Variants in TNRC6A observed in about 807,000 individuals in gnomAD.
TNRC6A encodes the protein trinucleotide repeat-containing gene 6A protein.
TNRC6A carries 44 observed loss-of-function variants against 221.2 expected under a neutral mutation model. The observed-to-expected ratio is 0.20, with a 90% CI of 0.16 to 0.26. The LOEUF (loss-of-function observed/expected upper bound fraction) is 0.26. TNRC6A is among the 10% of genes least tolerant of loss of function. The pLI, the probability that TNRC6A is intolerant of heterozygous loss-of-function variation, is 1.00. For synonymous variants in TNRC6A, 847 were observed against 838.5 expected (o/e 1.01, Z -0.18); for missense variants, 2,199 against 2,404.4 (o/e 0.91, Z 1.79).
chr16:24,708,845 C>T (rs2142286398), intron 2 of TNRC6A, among the ~76,000 whole-genome samples: 1 of 152,260 alleles, frequency 6.6e-6, no homozygotes, highest in South Asian at 2.1e-4. Context: ...CTCTTCGTGG[C>T]TCAGTAGTAT....
intron 2 of TNRC6A, among the ~76,000 whole-genome samples, chr16:24,698,184 A>G (rs1423727453): frequency 6.6e-6 from 1 of 152,068 alleles, no homozygotes; most frequent in South Asian, 2.1e-4. Context: ...TAAAAAGAAA[A>G]CAAAAAATGC....
chr16:24,823,304 TG>T lies in TNRC6A; in HGVS notation c.5514-126del. ...GTGAAGGGAGGGCACGCAGGTTATG[TG>T]GTGTAGTCTCTCCCTCTGTGCCTTC... On this transcript the variant is annotated intron_variant, in intron 24 of 24. Transcript: ENST00000395799. The surrounding 1 kb of genome is among the most constrained non-coding windows in gnomAD (Gnocchi z 4.3). The T allele has an allele frequency of 8.5e-7, 1 of 1,183,306 alleles. No homozygotes were observed. Among genetic ancestry groups the T allele is most frequent in the Non-Finnish European group, 1.2e-6 (1 of 846,318 alleles). The allele number at this position is 1,183,306 out of a possible 1,614,324, so 73.3% of individuals were successfully genotyped here. A position where few individuals can be genotyped will look rare whatever the true frequency, so the allele number is the denominator to read the frequency against.
intron 4 of TNRC6A, among the ~76,000 whole-genome samples, chr16:24,773,806 A>G (rs115909169): frequency 1.0e-3 from 154 of 150,092 alleles, no homozygotes; most frequent in African/African-American, 3.6e-3. Context: ...TCTGATATCA[A>G]TATTGTTTTC....
chr16:24,674,410 A>C (rs948768241), intron 2 of TNRC6A, among the ~76,000 whole-genome samples: 1 of 152,036 alleles, frequency 6.6e-6, no homozygotes, highest in Non-Finnish European at 1.5e-5. Flanking sequence ...GTCTCAAACT[A>C]TATATAGATA....
At chr16:24,796,657 C>T (rs1001999800) in intron 9 of TNRC6A, among the ~76,000 whole-genome samples, 2 of 152,180 alleles carry the variant, frequency 1.3e-5, no homozygotes, top group Non-Finnish European at 2.9e-5. Context: ...TAGATGCTTG[C>T]TTCAGAGACC....
intron 1 of TNRC6A, among the ~76,000 whole-genome samples, chr16:24,629,106 T>C (rs1438542949): frequency 1.3e-5 from 2 of 152,202 alleles, no homozygotes; most frequent in East Asian, 1.9e-4. Context: ...ATTATACTTA[T>C]AAATCTAGTA....
intron 3 of TNRC6A, among the ~76,000 whole-genome samples, chr16:24,753,193 C>A (rs1809060573): frequency 6.6e-6 from 1 of 152,180 alleles, no homozygotes; most frequent in African/African-American, 2.4e-5. Context: ...TCTGAAGTGA[C>A]AGCTTTTCAT....
intron 3 of TNRC6A, among the ~76,000 whole-genome samples, chr16:24,754,774 G>A (rs758607341): frequency 3.3e-5 from 5 of 152,150 alleles, no homozygotes; most frequent in Non-Finnish European, 7.4e-5. Context: ...GCATATAATC[G>A]TTGAAGGCCG....
chr16:24,662,495 A>C (rs1278471154), intron 2 of TNRC6A: 1 of 150,184 alleles, frequency 6.7e-6, no homozygotes, highest in Non-Finnish European at 1.5e-5. Context: ...GAAAAAAACA[A>C]AAAAAAAAGG....
At chr16:24,636,334 T>C (rs1197930167) in intron 1 of TNRC6A, among the ~76,000 whole-genome samples, 1 of 152,050 alleles carries the variant, frequency 6.6e-6, no homozygotes. Context: ...ATTGTAATGT[T>C]AGATTTGTGA....
intron 2 of TNRC6A, among the ~76,000 whole-genome samples, chr16:24,688,942 C>T (rs2055695640): frequency 2.0e-5 from 3 of 152,168 alleles, no homozygotes; most frequent in Admixed American, 2.0e-4. Context: ...TGGCTCATGC[C>T]TGTAACCCAG....
chr16:24,781,116 A>G (rs902323678), intron 5 of TNRC6A, among the ~76,000 whole-genome samples: 23 of 124,168 alleles, frequency 1.9e-4, no homozygotes, highest in Non-Finnish European at 9.4e-5. Context: ...GTGCAGTGGC[A>G]TGAACACGGC....
chr16:24,805,789 C>A, intron 15 of TNRC6A, 56 bp downstream of exon 15: 2 of 1,608,026 alleles, frequency 1.2e-6, no homozygotes. Flanking sequence ...TACTGTATGC[C>A]AAACACTAGA....
At chr16:24,640,965 G>T (rs1343055460) in exon 2 of TNRC6A, 1 of 152,182 alleles carries the variant, frequency 6.6e-6, no homozygotes, top group Non-Finnish European at 1.5e-5. Flanking sequence ...TAGACGCCAG[G>T]TGTCCTGGCT....
intron 15 of TNRC6A, 140 bp downstream of exon 15, chr16:24,805,873 G>T: frequency 8.6e-7 from 1 of 1,163,802 alleles, no homozygotes; most frequent in East Asian, 2.4e-5. Flanking sequence ...GTCTATCGGG[G>T]GAGACAGATC....
At chr16:24,750,958 TGCA>T in intron 3 of TNRC6A, 145 bp downstream of exon 3, 1 of 778,496 alleles carries the variant, frequency 1.3e-6, no homozygotes, top group Non-Finnish European at 1.9e-6. Flanking sequence ...TCTTTGAATA[TGCA>T]TATAAAGTAA....
Position 24,824,955 on chromosome 16 carries a change from G to A in TNRC6A, c.*1148G>A, listed in dbSNP as rs1355820914. The A allele has an allele frequency of 2.0e-5, 3 of 152,586 alleles. No homozygotes were observed. Among genetic ancestry groups the A allele is most frequent in the Non-Finnish European group, 4.4e-5 (3 of 68,024 alleles). The allele number at this position is 152,586 out of a possible 1,614,324, so 9.5% of individuals were successfully genotyped here. On this transcript the variant is annotated 3_prime_UTR_variant, in exon 25 of 25. Transcript: ENST00000395799. ...TCAGATGCTGTCTTTTTATTAGTGA[G>A]TGATGATGGTTTGCTAATAATCAAT...
rs1318444937 is a variant in TNRC6A at position 24,823,525 on chromosome 16, T to A, written c.5607T>A (p.Ser1869=). The A allele has an allele frequency of 1.2e-6, 2 of 1,613,986 alleles. No individual in the cohort carries two copies. The highest frequency in any genetic ancestry group is 1.3e-5 in the African/African-American group (1 of 74,892). ...FFAQSQSLTP[S]PGWQSLGSSQ... is the part of the protein sequence containing the mutation. The stretch of plus-strand genomic sequence containing the variant: ...CACAAAGCCAGTCTCTGACCCCTTC[T>A]CCCGGCTGGCAGTCTCTCGGGTCCA... Residue 1869 remains serine, a synonymous_variant, in exon 25 of 25, where the codon TCT becomes TCA. Coordinates refer to ENST00000395799, the MANE Select transcript of TNRC6A (RefSeq NM_014494.4). This position sits in a 1 kb window ranked among gnomAD's most constrained non-coding sequence, Gnocchi z 4.3.
intron 1 of TNRC6A, among the ~76,000 whole-genome samples, chr16:24,627,860 G>T (rs1379442236): frequency 2.0e-5 from 3 of 151,190 alleles, no homozygotes; most frequent in Non-Finnish European, 2.9e-5. Flanking sequence ...CCCATGCCCG[G>T]CTAATTATTT....
Sources: gnomAD v4.1 joint callset for allele counts (sites outside exome capture counted in the v4.1 genomes callset) on GRCh38, gnomAD v4.1.1 for gene constraint, Gnocchi (gnomAD v3.1) non-coding constraint, MANE v1.5 for transcripts, NCBI Gene and HGNC (gene_info 2026-07-23, HGNC 2026-07-21) for gene names.